ALPL: variants seen among roughly 807,000 people sequenced by gnomAD.
The protein encoded by ALPL is alkaline phosphatase, tissue-nonspecific isozyme.
ALPL carries 42 observed loss-of-function variants against 51.3 expected under a neutral mutation model. The ratio of observed to expected loss-of-function variants is 0.82; its 90% CI spans 0.64 to 1.06. The LOEUF (loss-of-function observed/expected upper bound fraction) is 1.06, where lower values mean the gene tolerates loss of function less well. ALPL is among the 50% of genes least tolerant of loss of function. The pLI is 0.00. For synonymous variants in ALPL, 279 were observed against 296.4 expected (o/e 0.94, Z 0.60); for missense variants, 589 against 709.4 (o/e 0.83, Z 1.93).
chr1:21,542,252 C>T (rs1461552699), intron 1 of ALPL, among the ~76,000 whole-genome samples: 1 of 152,164 alleles, frequency 6.6e-6, no homozygotes, highest in African/African-American at 2.4e-5. Context: ...CTGCCTCATT[C>T]CTCATGCCCA....
intron 1 of ALPL, among the ~76,000 whole-genome samples, chr1:21,544,238 C>T (rs952583734): frequency 9.2e-5 from 14 of 152,218 alleles, no homozygotes; most frequent in Admixed American, 6.5e-4. Flanking sequence ...GAAACAGTTT[C>T]GGAGGTGCAG....
At chr1:21,566,386 C>T (rs548635972) in intron 6 of ALPL, among the ~76,000 whole-genome samples, 9 of 152,134 alleles carry the variant, frequency 5.9e-5, no homozygotes, top group Admixed American at 5.2e-4. Flanking sequence ...CGGGTTCAAG[C>T]GATTGTCCTG....
intron 1 of ALPL, among the ~76,000 whole-genome samples, chr1:21,538,735 C>A (rs1644143387): frequency 6.6e-6 from 1 of 151,278 alleles, no homozygotes; most frequent in Admixed American, 6.6e-5. Flanking sequence ...GCCCACCTGG[C>A]CGGGGGCAGA....
intron 1 of ALPL, among the ~76,000 whole-genome samples, chr1:21,545,275 T>TTTTTTG (rs564619128): frequency 2.1e-5 from 3 of 145,300 alleles, no homozygotes; most frequent in Admixed American, 6.8e-5. Flanking sequence ...TTTTGGGGGT[T>TTTTTTG]TTTTTGTTTT....
At chr1:21,547,056 A>G (rs1644262254) in intron 1 of ALPL, among the ~76,000 whole-genome samples, 1 of 152,256 alleles carries the variant, frequency 6.6e-6, no homozygotes, top group Non-Finnish European at 1.5e-5. Context: ...CTGGCTGGTC[A>G]GTTACCTCCA....
rs1370415444 is a variant in ALPL at position 21,509,798 on chromosome 1, C to T, written c.-105+281C>T. 3.3e-5 allele frequency among the ~76,000 whole-genome samples: 5 copies of T among 152,080 alleles called. No homozygotes were observed. Among genetic ancestry groups the T allele is most frequent in the Non-Finnish European group, 7.4e-5 (5 of 67,996 alleles). ...GAACTCAGGGGACCGCGCTCGGGAC[C>T]GCCCTGCAGTCCCAGGGTCTCCTAC... On this transcript the variant is annotated intron_variant, in intron 1 of 11. Coordinates refer to ENST00000374840, the MANE Select transcript of ALPL (RefSeq NM_000478.6). The surrounding 1 kb of genome is among the most constrained non-coding windows in gnomAD (Gnocchi z 6.0).
chr1:21,572,621 T>G (rs1457437859), intron 8 of ALPL, among the ~76,000 whole-genome samples: 2 of 152,114 alleles, frequency 1.3e-5, no homozygotes, highest in Non-Finnish European at 2.9e-5. Context: ...GCTAACAGCA[T>G]GTGGCACCAA....
intron 1 of ALPL, among the ~76,000 whole-genome samples, chr1:21,546,606 T>G (rs1644256700): frequency 6.6e-6 from 1 of 152,200 alleles, no homozygotes; most frequent in South Asian, 2.1e-4. Flanking sequence ...ACCTCCAGCC[T>G]GTGTGTGCTG....
chr1:21,552,427 C>A (rs1197131416), intron 1 of ALPL, among the ~76,000 whole-genome samples: 2 of 148,432 alleles, frequency 1.3e-5, no homozygotes, highest in Admixed American at 6.7e-5. Context: ...TGCAGTGAGC[C>A]GAGGTTGTGC....
intron 10 of ALPL, 97 bp from the exon 11 acceptor site, chr1:21,576,425 C>A: frequency 6.5e-7 from 1 of 1,537,258 alleles, no homozygotes; most frequent in Non-Finnish European, 8.9e-7. Flanking sequence ...AAAGAAGATC[C>A]CAGGGGTTAC....
intron 4 of ALPL, 114 bp from the exon 5 acceptor site, chr1:21,562,996 A>C: frequency 7.1e-7 from 1 of 1,408,666 alleles, no homozygotes; most frequent in Non-Finnish European, 1.0e-6. Context: ...GGTCAAGGCT[A>C]TGGGGTCCTC....
chr1:21,558,186 A>G (rs563379507), intron 2 of ALPL, among the ~76,000 whole-genome samples: 36 of 152,258 alleles, frequency 2.4e-4, no homozygotes, highest in Admixed American at 1.8e-3. Context: ...CCCTTGTGGG[A>G]CTCCAGTCTA....
chr1:21,551,361 G>A (rs1176512197), intron 1 of ALPL: 1 of 152,224 alleles, frequency 6.6e-6, no homozygotes, highest in African/African-American at 2.4e-5. Flanking sequence ...GATGTTTGAG[G>A]TGGCATGAAG....
In ALPL at chr1:21,544,457, T is replaced by A. The variant is rs1402086104; in HGVS notation, c.-104-9521T>A. ...AAAAGGGGGAATTTTAAAACAAAATTATGAGCTGGGCGTGGTAGCTCACAC... is the reference window on the plus strand; with the variant it reads ...AAAAGGGGGAATTTTAAAACAAAATAATGAGCTGGGCGTGGTAGCTCACAC... On this transcript the variant is annotated intron_variant, in intron 1 of 11. Coordinates refer to ENST00000374840, the MANE Select transcript of ALPL (RefSeq NM_000478.6). Among the ~76,000 whole-genome samples the A allele has an allele frequency of 2.0e-5, 3 of 152,186 alleles. No homozygotes were observed. The East Asian group carries it at 5.8e-4, about 29-fold the overall frequency.
At chr1:21,574,095 G>C (rs1644692168) in intron 9 of ALPL, 5 of 985,448 alleles carry the variant, frequency 5.1e-6, no homozygotes, top group Non-Finnish European at 6.0e-6. Flanking sequence ...CCCTGAAGGG[G>C]CAAGCAGCCC....
chr1:21,551,210 A>G (rs1443955146), intron 1 of ALPL: 1 of 152,112 alleles, frequency 6.6e-6, no homozygotes, highest in Non-Finnish European at 1.5e-5. Context: ...CTGGCTTTCA[A>G]CTGATGTAAA....
chr1:21,510,753 CTCTCCAG>C (rs1643670975), intron 1 of ALPL, among the ~76,000 whole-genome samples: 1 of 152,238 alleles, frequency 6.6e-6, no homozygotes, highest in South Asian at 2.1e-4. Context: ...TCTTCCTCCA[CTCTCCAG>C]TCTTGCTCTT....
At chr1:21,546,462 G>A (rs1409597549) in intron 1 of ALPL, among the ~76,000 whole-genome samples, 4 of 152,190 alleles carry the variant, frequency 2.6e-5, no homozygotes, top group African/African-American at 4.8e-5. Context: ...TCTCTGGGCC[G>A]TTTCTGAATC....
intron 2 of ALPL, among the ~76,000 whole-genome samples, chr1:21,554,819 T>TTCTC (rs1168509966): frequency 1.3e-5 from 1 of 74,222 alleles, no homozygotes; most frequent in African/African-American, 5.1e-5. Context: ...CTGTCTGTCT[T>TTCTC]TCTTTCTTTC....
Sources: allele counts gnomAD v4.1 joint callset (sites outside exome capture counted in the v4.1 genomes callset), GRCh38; gene constraint gnomAD v4.1.1; non-coding constraint Gnocchi (gnomAD v3.1); transcripts MANE v1.5; gene names NCBI Gene and HGNC (gene_info 2026-07-23, HGNC 2026-07-21).